SPTBN1: variants seen among roughly 807,000 people sequenced by gnomAD.
SPTBN1 encodes the protein spectrin beta chain, non-erythrocytic 1.
Under a neutral mutation model 266.4 loss-of-function variants are expected in SPTBN1, and 32 were observed. The ratio of observed to expected loss-of-function variants is 0.12; its 90% CI spans 0.09 to 0.16. SPTBN1 has a LOEUF of 0.16. Among genes scored for constraint, SPTBN1 ranks in the 10% least tolerant of loss-of-function variants. SPTBN1 has a pLI of 1.00. For synonymous variants in SPTBN1, 1,336 were observed against 1,162.2 expected, an observed-to-expected ratio of 1.15 and a Z score of -3.04; for missense variants, 2,296 against 3,067.1, an observed-to-expected ratio of 0.75 and a Z score of 5.94.
In SPTBN1 at chr2:54,670,443, G is replaced by C. The variant is rs546420410; in HGVS notation, c.*1874G>C. The C allele has an allele frequency of 4.7e-4, 171 of 362,956 alleles. No homozygotes were observed. The highest frequency in any genetic ancestry group is 6.9e-4 in the Admixed American group (15 of 21,592). 22.5% of individuals were successfully genotyped at this position (362,956 alleles called of 1,614,324 possible). A position where few individuals can be genotyped will look rare whatever the true frequency, so the allele number is the denominator to read the frequency against. The stretch of plus-strand genomic sequence containing the variant: ...CATCAGCCCTGGGCTCCACAGCTGC[G>C]TGGCATCAAAGCTTTCTCTTAACTC... On this transcript the variant is annotated 3_prime_UTR_variant, in exon 36 of 36. Coordinates refer to ENST00000356805, the MANE Select transcript of SPTBN1 (RefSeq NM_003128.3).
At position 54,526,402 on chromosome 2, in the gene SPTBN1, A is replaced by C. The variant is rs1473945366; in HGVS notation, c.-17A>C. The C allele has an allele frequency of 6.2e-7, 1 of 1,612,774 alleles. No individual in the cohort carries two copies. Among genetic ancestry groups the C allele is most frequent in the Non-Finnish European group, 8.5e-7 (1 of 1,179,474 alleles). ...TAAGAAGGAGCTGATGTGGAGGAGC[A>C]GCTGAGACAGTTCAAGATGACGACC... is the stretch of plus-strand genomic sequence containing the variant. On this transcript the variant is annotated 5_prime_UTR_variant, in exon 2 of 36. Transcript: ENST00000356805.
intron 2 of SPTBN1, among the ~76,000 whole-genome samples, chr2:54,564,485 G>A (rs891780849): frequency 2.6e-5 from 4 of 152,130 alleles, no homozygotes; most frequent in Admixed American, 2.6e-4. Flanking sequence ...CCACAGCAGG[G>A]CCCTGAGAAG....
intron 2 of SPTBN1, among the ~76,000 whole-genome samples, chr2:54,571,110 C>G (rs754383207): frequency 1.3e-5 from 2 of 152,020 alleles, no homozygotes; most frequent in African/African-American, 2.4e-5. Flanking sequence ...TGTGGGAAGT[C>G]TGCGGTGAAG....
intron 1 of SPTBN1, among the ~76,000 whole-genome samples, chr2:54,476,842 T>C (rs6718276): frequency 0.27 from 40,835 of 152,084 alleles, 6,112 homozygotes; most frequent in East Asian, 0.38. Context: ...TTTTTAAAAA[T>C]TAGTTATTAC....
intron 1 of SPTBN1, among the ~76,000 whole-genome samples, chr2:54,474,680 A>G (rs527465630): frequency 7.2e-5 from 11 of 152,332 alleles, no homozygotes; most frequent in South Asian, 2.1e-4. Flanking sequence ...GATTATATAA[A>G]TGGAATTACC....
intron 34 of SPTBN1, among the ~76,000 whole-genome samples, chr2:54,666,355 C>A (rs892284270): frequency 6.6e-6 from 1 of 152,224 alleles, no homozygotes; most frequent in Non-Finnish European, 1.5e-5. Context: ...CAGGCACTTA[C>A]TGTTCCCTAA....
intron 2 of SPTBN1, among the ~76,000 whole-genome samples, chr2:54,573,742 C>T (rs1236989405): frequency 6.6e-6 from 1 of 152,188 alleles, no homozygotes; most frequent in African/African-American, 2.4e-5. Context: ...TTTTAATATT[C>T]AGCCTTATGG....
chr2:54,595,867 A>G (rs1264669281), intron 2 of SPTBN1, among the ~76,000 whole-genome samples: 1 of 152,168 alleles, frequency 6.6e-6, no homozygotes, highest in Non-Finnish European at 1.5e-5. Context: ...GCATCTACCC[A>G]TGAATCGTGA....
chr2:54,610,181 T>A (rs928079631), intron 3 of SPTBN1, among the ~76,000 whole-genome samples: 1 of 151,150 alleles, frequency 6.6e-6, no homozygotes, highest in African/African-American at 2.4e-5. Flanking sequence ...GCCAAACCTC[T>A]TTCCGAAATT....
At chr2:54,657,808 A>G in intron 29 of SPTBN1, 42 bp from the exon 30 acceptor site, 1 of 1,612,832 alleles carries the variant, frequency 6.2e-7, no homozygotes, top group South Asian at 1.1e-5. Context: ...ACTGCCCGGC[A>G]CCTCCTGGTC....
intron 1 of SPTBN1, among the ~76,000 whole-genome samples, chr2:54,464,684 ATTTTGTTTTC>A (rs1315191404): frequency 6.6e-6 from 1 of 151,724 alleles, no homozygotes. Flanking sequence ...TTTTTGTTTT[ATTTTGTTTTC>A]TTTTGTTTTG....
intron 28 of SPTBN1, 56 bp downstream of exon 28, chr2:54,655,264 T>C: frequency 3.1e-6 from 5 of 1,594,038 alleles, no homozygotes; most frequent in Non-Finnish European, 4.3e-6. Flanking sequence ...AAAATGACTT[T>C]GTTTTATATG....
chr2:54,492,525 G>A (rs1404848662), intron 1 of SPTBN1, among the ~76,000 whole-genome samples: 1 of 152,108 alleles, frequency 6.6e-6, no homozygotes, highest in African/African-American at 2.4e-5. Context: ...CACTGCAGGT[G>A]GTGGACCTAC....
chr2:54,520,331 A>C (rs1176876007), intron 1 of SPTBN1: 1 of 152,204 alleles, frequency 6.6e-6, no homozygotes, highest in African/African-American at 2.4e-5. Flanking sequence ...AATACTTACA[A>C]AGCCTGGCAT....
intron 3 of SPTBN1, among the ~76,000 whole-genome samples, chr2:54,602,611 A>G (rs1273741146): frequency 6.6e-6 from 1 of 151,686 alleles, no homozygotes; most frequent in Non-Finnish European, 1.5e-5. Flanking sequence ...CCTCCCCCAA[A>G]CCCCACCAAG....
chr2:54,468,079 C>T (rs567433396), intron 1 of SPTBN1, among the ~76,000 whole-genome samples: 1 of 151,982 alleles, frequency 6.6e-6, no homozygotes, highest in African/African-American at 2.4e-5. Flanking sequence ...GAGGCCGAGG[C>T]GGGCAGATCA....
intron 2 of SPTBN1, among the ~76,000 whole-genome samples, chr2:54,595,355 C>T (rs1675998244): frequency 6.6e-6 from 1 of 152,170 alleles, no homozygotes; most frequent in Non-Finnish European, 1.5e-5. Flanking sequence ...GGCAGGGGCA[C>T]AGAAGTGCTT....
At chr2:54,578,455 A>AGCT (rs147088727) in intron 2 of SPTBN1, among the ~76,000 whole-genome samples, 44 of 152,192 alleles carry the variant, frequency 2.9e-4, no homozygotes, top group Admixed American at 4.6e-4. Flanking sequence ...GTTTCCGGTT[A>AGCT]GCTGCTGCTG....
At chr2:54,627,708 C>T (rs969531645) in intron 12 of SPTBN1, among the ~76,000 whole-genome samples, 3 of 152,146 alleles carry the variant, frequency 2.0e-5, no homozygotes, top group African/African-American at 7.2e-5. Context: ...GTTGTTGCAG[C>T]GGTTTCTTCT....
Sources: gnomAD v4.1 joint callset for allele counts (sites outside exome capture counted in the v4.1 genomes callset) on GRCh38, gnomAD v4.1.1 for gene constraint, MANE v1.5 for transcripts, NCBI Gene and HGNC (gene_info 2026-07-23, HGNC 2026-07-21) for gene names.